Variants in OLA1 observed in about 807,000 individuals in gnomAD.
The protein encoded by OLA1 is obg-like ATPase 1.
Under a neutral mutation model 48.4 loss-of-function variants are expected in OLA1, and 14 were observed. The ratio of observed to expected loss-of-function variants is 0.29; its 90% confidence interval spans 0.19 to 0.45. The LOEUF (loss-of-function observed/expected upper bound fraction) is 0.45, where lower values mean the gene tolerates loss of function less well. Ranked by LOEUF, OLA1 falls within the 20% of genes least tolerant of loss-of-function variation. The pLI is 1.00. For synonymous variants in OLA1, 127 were observed against 150.4 expected, an observed-to-expected ratio of 0.84 and a Z score of 1.14; for missense variants, 325 against 467.1, an observed-to-expected ratio of 0.70 and a Z score of 2.80.
At chr2:174,241,582 A>C (rs150537917) in intron 2 of OLA1, among the ~76,000 whole-genome samples, 2 of 152,274 alleles carry the variant, frequency 1.3e-5, no homozygotes, top group Admixed American at 1.3e-4. Flanking sequence ...GTGTTTGAAC[A>C]CAGTATACTA....
chr2:174,227,707 T>G (rs1354510968), intron 3 of OLA1, among the ~76,000 whole-genome samples: 2 of 152,092 alleles, frequency 1.3e-5, no homozygotes, highest in Non-Finnish European at 2.9e-5. Flanking sequence ...ACCAATAAAA[T>G]AACACTCATC....
At chr2:174,123,159 A>G in intron 7 of OLA1, 21 bp downstream of exon 7, 1 of 1,144,324 alleles carries the variant, frequency 8.7e-7, no homozygotes, top group South Asian at 1.3e-5. Context: ...ATCTGGGTAT[A>G]TCTGGTGAGG....
At chr2:174,163,723 T>A (rs984007951) in intron 4 of OLA1, among the ~76,000 whole-genome samples, 607 of 7,886 alleles carry the variant, frequency 0.077, 72 homozygotes, top group East Asian at 0.28. Context: ...TATATATATA[T>A]ATATATATAT....
intron 5 of OLA1, among the ~76,000 whole-genome samples, chr2:174,128,900 A>G (rs1686107797): frequency 6.6e-6 from 1 of 152,198 alleles, no homozygotes; most frequent in Non-Finnish European, 1.5e-5. Context: ...TCCAAAATAT[A>G]CTGCTAAGTG....
At chr2:174,185,881 C>T (rs1226807525) in intron 4 of OLA1, among the ~76,000 whole-genome samples, 3 of 152,100 alleles carry the variant, frequency 2.0e-5, no homozygotes, top group Non-Finnish European at 2.9e-5. Context: ...GAACCAAGAT[C>T]ATGCCATTGC....
chr2:174,097,194 C>G (rs963449421), intron 7 of OLA1, among the ~76,000 whole-genome samples: 3 of 151,944 alleles, frequency 2.0e-5, no homozygotes, highest in African/African-American at 7.3e-5. Flanking sequence ...AAAATCAGGT[C>G]TTTATTTCTG....
intron 7 of OLA1, among the ~76,000 whole-genome samples, chr2:174,116,192 T>A (rs548004968): frequency 1.3e-5 from 2 of 152,230 alleles, no homozygotes; most frequent in Non-Finnish European, 2.9e-5. Flanking sequence ...CAGGAGTATA[T>A]GCAAAGTTCA....
chr2:174,196,872 A>C (rs1341261717), intron 4 of OLA1, among the ~76,000 whole-genome samples: 2 of 152,244 alleles, frequency 1.3e-5, no homozygotes, highest in African/African-American at 2.4e-5. Flanking sequence ...AATATTCTCA[A>C]CCTAAAAAAG....
chr2:174,234,921 G>A (rs1866640), intron 2 of OLA1, among the ~76,000 whole-genome samples: 20,206 of 152,256 alleles, frequency 0.13, 1,836 homozygotes, highest in Non-Finnish European at 0.2. Context: ...CATTTTGGAA[G>A]GCAGAGGCGG....
At position 174,075,263 on chromosome 2, in the gene OLA1, G is replaced by T. The variant is rs565799400; in HGVS notation, c.*163C>A. On this transcript the variant is annotated 3_prime_UTR_variant, in exon 11 of 11. Transcript: ENST00000284719. The stretch of plus-strand genomic sequence containing the variant: ...TGAACCTGCATTTCATGGGGGGGGG[G>T]GGGTACACAGTATTTTAATTTTAAA... 159 of 522,434 alleles carry T rather than the reference G, an allele frequency of 3.0e-4. 1 individual carries two copies. The East Asian group carries it at 4.2e-3, about 14-fold the overall frequency. The allele number at this position is 522,434 out of a possible 1,614,324, so 32.4% of individuals were successfully genotyped here. A position where few individuals can be genotyped will look rare whatever the true frequency, so the allele number is the denominator to read the frequency against.
chr2:174,120,920 A>G (rs1685900202), intron 7 of OLA1, among the ~76,000 whole-genome samples: 1 of 152,204 alleles, frequency 6.6e-6, no homozygotes, highest in South Asian at 2.1e-4. Flanking sequence ...TGTTTCCTGC[A>G]TCAGTCTTAT....
At chr2:174,201,111 G>A (rs931948213) in intron 4 of OLA1, among the ~76,000 whole-genome samples, 3 of 152,128 alleles carry the variant, frequency 2.0e-5, no homozygotes, top group African/African-American at 4.8e-5. Flanking sequence ...GTATCATCAC[G>A]AGTATTTTAG....
chr2:174,183,380 T>C (rs1687589874), intron 4 of OLA1, among the ~76,000 whole-genome samples: 1 of 152,184 alleles, frequency 6.6e-6, no homozygotes, highest in Non-Finnish European at 1.5e-5. Flanking sequence ...CTTCAGATAT[T>C]TCAGGAAGTA....
chr2:174,234,559 G>A (rs1424867809), intron 2 of OLA1, among the ~76,000 whole-genome samples: 1 of 152,036 alleles, frequency 6.6e-6, no homozygotes, highest in Non-Finnish European at 1.5e-5. Flanking sequence ...GACCTCCCAG[G>A]ATCAAGAGAT....
intron 4 of OLA1, among the ~76,000 whole-genome samples, chr2:174,157,897 C>T (rs890938535): frequency 6.6e-6 from 1 of 152,052 alleles, no homozygotes; most frequent in Non-Finnish European, 1.5e-5. Flanking sequence ...ACAAAATACA[C>T]CATTAAATGC....
In OLA1 at chr2:174,075,172, C is replaced by A; in HGVS notation, c.*254G>T. 2.6e-6 allele frequency: 1 copy of A among 377,476 alleles called. No individual in the cohort carries two copies. Among genetic ancestry groups the A allele is most frequent in the Non-Finnish European group, 4.8e-6 (1 of 208,420 alleles). The allele number at this position is 377,476 out of a possible 1,614,324, so 23.4% of individuals were successfully genotyped here. ...AAGTATCATGAGAGTAATATGGTTC[C>A]TGAAAAGCTTCTACAATTTGGAGTA... On this transcript the variant is annotated 3_prime_UTR_variant, in exon 11 of 11. Transcript: ENST00000284719.
intron 7 of OLA1, among the ~76,000 whole-genome samples, chr2:174,112,345 G>C (rs1417287652): frequency 6.6e-6 from 1 of 152,154 alleles, no homozygotes; most frequent in Non-Finnish European, 1.5e-5. Context: ...CTTAAAATGT[G>C]GGTAATAATG....
At chr2:174,107,349 A>G (rs1405944052) in intron 7 of OLA1, among the ~76,000 whole-genome samples, 1 of 152,158 alleles carries the variant, frequency 6.6e-6, no homozygotes, top group African/African-American at 2.4e-5. Context: ...GAATTCAGGT[A>G]CAATTACTAA....
Position 174,224,281 on chromosome 2 carries a change from C to G in OLA1, c.246-1121G>C, listed in dbSNP as rs577283382. Among the ~76,000 whole-genome samples the G allele has an allele frequency of 2.4e-4, 37 of 152,296 alleles. No individual in the cohort carries two copies. In the South Asian group the frequency reaches 7.7e-3, roughly 32 times the overall value. On this transcript the variant is annotated intron_variant, in intron 3 of 10. Coordinates refer to ENST00000284719, the MANE Select transcript of OLA1 (RefSeq NM_013341.5). ...GTGACTGCCTCCCCAGCATCCACTG[C>G]CCCCTCTCGGTACCTATACGGATTT...
Sources: gnomAD v4.1 joint callset for allele counts (sites outside exome capture counted in the v4.1 genomes callset) on GRCh38, gnomAD v4.1.1 for gene constraint, MANE v1.5 for transcripts, NCBI Gene and HGNC (gene_info 2026-07-23, HGNC 2026-07-21) for gene names.